The following ANK3 variants were observed in gnomAD, a reference collection of about 807,000 sequenced individuals.
ANK3 encodes ankyrin 3.
In ANK3, 57 loss-of-function variants were observed where a neutral mutation model predicts 370.9. The ratio of observed to expected loss-of-function variants is 0.15; its 90% CI spans 0.12 to 0.19. The LOEUF is 0.19. Among genes scored for constraint, ANK3 ranks in the 10% least tolerant of loss-of-function variants. The probability of loss-of-function intolerance (pLI) is 1.00; values close to 1 mark genes in which losing one functional copy is unlikely to be tolerated. For missense variants in ANK3, 4,439 were observed against 5,302.1 expected, an observed-to-expected ratio of 0.84 and a Z score of 5.06; for synonymous variants, 1,929 against 1,946.3, an observed-to-expected ratio of 0.99 and a Z score of 0.23.
chr10:60,614,370 T>C (rs1404252358), intron 2 of ANK3, among the ~76,000 whole-genome samples: 2 of 152,212 alleles, frequency 1.3e-5, no homozygotes, highest in Non-Finnish European at 1.5e-5. Context: ...AAACGTTTTG[T>C]TTCAATAAAT....
intron 5 of ANK3, among the ~76,000 whole-genome samples, chr10:60,269,021 C>T (rs2132666293): frequency 1.3e-5 from 2 of 152,320 alleles, no homozygotes; most frequent in Middle Eastern, 6.8e-3. Flanking sequence ...AGTTTATCTA[C>T]TGCCATCTTT....
In ANK3 at chr10:60,056,089, T is replaced by C. The variant is rs1004418364; in HGVS notation, c.12687-53A>G. 22 of 1,533,748 alleles carry C rather than the reference T, an allele frequency of 1.4e-5. No homozygotes were observed. The South Asian group carries it at 2.6e-4, about 18-fold the overall frequency. On this transcript the variant is annotated intron_variant, in intron 41 of 43. Coordinates refer to ENST00000280772, the MANE Select transcript of ANK3 (RefSeq NM_020987.5). ...ATGGCAAACTATGACTGAATATAGGTTGCAGAAACTCTAAAGTTTTAAGAA... is the reference window on the plus strand; with the variant it reads ...ATGGCAAACTATGACTGAATATAGGCTGCAGAAACTCTAAAGTTTTAAGAA...
intron 7 of ANK3, among the ~76,000 whole-genome samples, chr10:60,247,162 C>T (rs1480062041): frequency 6.6e-6 from 1 of 151,956 alleles, no homozygotes; most frequent in Non-Finnish European, 1.5e-5. Context: ...ACTACAGGTG[C>T]CCGCCACCAC....
chr10:60,650,381 AAAAAAAT>A (rs1442016019), intron 1 of ANK3, among the ~76,000 whole-genome samples: 35 of 144,344 alleles, frequency 2.4e-4, no homozygotes, highest in African/African-American at 7.2e-4. Context: ...AAAAAAAAAA[AAAAAAAT>A]TTACAAGCTC....
intron 1 of ANK3, among the ~76,000 whole-genome samples, chr10:60,356,908 C>T (rs2057834506): frequency 6.6e-6 from 1 of 152,146 alleles, no homozygotes; most frequent in African/African-American, 2.4e-5. Flanking sequence ...GGGGTTTTGC[C>T]ATGTTGGCCA....
At position 60,277,723 on chromosome 10, in the gene ANK3, T is replaced by C. The variant is rs2098112295; in HGVS notation, c.414+1051A>G. 2.0e-5 allele frequency among the ~76,000 whole-genome samples: 3 copies of C among 152,176 alleles called. No individual in the cohort carries two copies. In the South Asian group the frequency reaches 6.2e-4, roughly 32 times the overall value. On this transcript the variant is annotated intron_variant, in intron 4 of 43. Transcript: ENST00000280772. ...ACAGCTCAGCTGTGCACCCAGAAGT[T>C]CTCCAATATCACTTTCCTTGACTTC...
intron 1 of ANK3, among the ~76,000 whole-genome samples, chr10:60,320,323 G>A (rs985836353): frequency 1.3e-5 from 2 of 152,210 alleles, no homozygotes; most frequent in African/African-American, 2.4e-5. Context: ...GCCTGGTATG[G>A]TGGCTCATGC....
At chr10:60,035,967 C>T (rs937506204) in intron 43 of ANK3, among the ~76,000 whole-genome samples, 4 of 151,940 alleles carry the variant, frequency 2.6e-5, no homozygotes, top group African/African-American at 9.7e-5. Flanking sequence ...AGGGCAGGGT[C>T]CTGAATTTGT....
chr10:60,066,620 G>C (rs528485133), intron 38 of ANK3, among the ~76,000 whole-genome samples: 46 of 151,706 alleles, frequency 3.0e-4, no homozygotes, highest in African/African-American at 1.1e-3. Context: ...CGGGGACTGA[G>C]GGCATTCAAA....
intron 2 of ANK3, among the ~76,000 whole-genome samples, chr10:60,521,460 G>T (rs1320306347): frequency 1.3e-5 from 2 of 152,092 alleles, no homozygotes; most frequent in African/African-American, 4.8e-5. Flanking sequence ...CTGTCTTACA[G>T]TTTAAATAAA....
intron 2 of ANK3, among the ~76,000 whole-genome samples, chr10:60,555,920 T>G (rs2077196027): frequency 6.6e-6 from 1 of 152,202 alleles, no homozygotes; most frequent in African/African-American, 2.4e-5. Context: ...AATAATTGTT[T>G]GATGTCAACT....
At position 60,240,099 on chromosome 10, in the gene ANK3, C is replaced by CATATAT. The variant is rs1367188813; in HGVS notation, c.799-5314_799-5313insATATAT. On this transcript the variant is annotated intron_variant, in intron 7 of 43. Transcript: ENST00000280772. ...TACATATATACACTATATATACACA[C>CATATAT]ACATAAATACATATATATACACACA... is the stretch of plus-strand genomic sequence containing the variant. 5.6e-3 allele frequency among the ~76,000 whole-genome samples: 644 copies of CATATAT among 115,400 alleles called. 5 individuals are homozygous for CATATAT. Among genetic ancestry groups the CATATAT allele is most frequent in the Non-Finnish European group, 6.6e-3 (384 of 57,992 alleles). The allele number at this position is 115,400 out of a possible 152,430, so 75.7% of individuals were successfully genotyped here. A position where few individuals can be genotyped will look rare whatever the true frequency, so the allele number is the denominator to read the frequency against.
At position 60,638,236 on chromosome 10, in the gene ANK3, T is replaced by C. The variant is rs74155638; in HGVS notation, c.58-23012A>G. ...AGAGATTACACAGGTTTACAAATAA[T>C]TCATGTTGCCATCAGCCAGAGTGGA... On this transcript the variant is annotated intron_variant, in intron 1 of 43. Transcript: ENST00000373827. 8.0e-3 allele frequency among the ~76,000 whole-genome samples: 1,223 copies of C among 152,278 alleles called. 14 individuals are homozygous for C. The highest frequency in any genetic ancestry group is 0.028 in the African/African-American group (1,163 of 41,554).
intron 17 of ANK3, among the ~76,000 whole-genome samples, chr10:60,183,690 C>A (rs2096257092): frequency 6.6e-6 from 1 of 151,962 alleles, no homozygotes; most frequent in African/African-American, 2.4e-5. Context: ...GAAACCCTGT[C>A]TCTACTAAAA....
chr10:60,144,507 AC>A (rs1486127857), intron 23 of ANK3, among the ~76,000 whole-genome samples: 3 of 151,998 alleles, frequency 2.0e-5, no homozygotes, highest in Non-Finnish European at 4.4e-5. Context: ...AGAATACAAA[AC>A]TCCCCAAATC....
chr10:60,283,045 G>C (rs2098188879), intron 1 of ANK3, among the ~76,000 whole-genome samples: 1 of 152,106 alleles, frequency 6.6e-6, no homozygotes, highest in South Asian at 2.1e-4. Context: ...TCAATATCTG[G>C]ATACACATTG....
At chr10:60,213,603 G>A (rs1402443367) in intron 8 of ANK3, 93 bp from the exon 9 acceptor site, 10 of 699,718 alleles carry the variant, frequency 1.4e-5, no homozygotes, top group Non-Finnish European at 1.6e-5. Context: ...CACCCAACAT[G>A]CTGTGGTCAA....
chr10:60,173,338 T>C, intron 18 of ANK3, 152 bp from the exon 19 acceptor site: 1 of 603,182 alleles, frequency 1.7e-6, no homozygotes, highest in Non-Finnish European at 2.8e-6. Flanking sequence ...TTGCCCTTGA[T>C]AATTCTCAGC....
intron 4 of ANK3, among the ~76,000 whole-genome samples, chr10:60,275,465 C>G (rs959135807): frequency 1.3e-5 from 2 of 152,090 alleles, no homozygotes; most frequent in African/African-American, 4.8e-5. Flanking sequence ...TTTTCTATGG[C>G]CAGCCTTTGC....
Sources: gnomAD v4.1 joint callset for allele counts (sites outside exome capture counted in the v4.1 genomes callset) on GRCh38, gnomAD v4.1.1 for gene constraint, MANE v1.5 for transcripts, NCBI Gene and HGNC (gene_info 2026-07-23, HGNC 2026-07-21) for gene names.